EFNA5: variants seen among roughly 807,000 people sequenced by gnomAD.
The protein encoded by EFNA5 is ephrin-A5.
In EFNA5, 5 loss-of-function variants were observed where a neutral mutation model predicts 22.9. That is an observed-to-expected ratio of 0.22 (90% CI 0.11 to 0.46). The LOEUF is 0.46. Among genes scored for constraint, EFNA5 ranks in the 20% least tolerant of loss-of-function variants. The pLI is 0.99. For synonymous variants in EFNA5, 113 were observed against 112.2 expected (o/e 1.01, Z -0.04); for missense variants, 237 against 293.3 (o/e 0.81, Z 1.40).
At chr5:107,589,128 G>A (rs9328010) in intron 1 of EFNA5, among the ~76,000 whole-genome samples, 70,287 of 152,104 alleles carry the variant, frequency 0.46, 17,077 homozygotes, top group African/African-American at 0.55. Flanking sequence ...GGCAAAGAGA[G>A]TAAACTCAAA....
chr5:107,477,308 T>A (rs1300112814), intron 1 of EFNA5, among the ~76,000 whole-genome samples: 5 of 152,210 alleles, frequency 3.3e-5, no homozygotes, highest in African/African-American at 1.2e-4. Context: ...CTAAAACAGA[T>A]GAAGTAATTT....
chr5:107,584,529 T>C (rs188862529), intron 1 of EFNA5, among the ~76,000 whole-genome samples: 2 of 152,354 alleles, frequency 1.3e-5, no homozygotes, highest in Admixed American at 6.5e-5. Context: ...GACATTTCTC[T>C]CTCAAATATT....
At chr5:107,524,482 A>T (rs1191735681) in intron 1 of EFNA5, among the ~76,000 whole-genome samples, 1 of 152,200 alleles carries the variant, frequency 6.6e-6, no homozygotes, top group Non-Finnish European at 1.5e-5. Flanking sequence ...AACAATAGGC[A>T]AGCTATACTA....
At chr5:107,511,503 C>T (rs1306099386) in intron 1 of EFNA5, among the ~76,000 whole-genome samples, 1 of 152,048 alleles carries the variant, frequency 6.6e-6, no homozygotes, top group African/African-American at 2.4e-5. Flanking sequence ...GTAAAATAAA[C>T]TCAGTATTTT....
intron 2 of EFNA5, 93 bp from the exon 3 acceptor site, chr5:107,387,864 C>A (rs1747675010): frequency 7.8e-6 from 7 of 898,580 alleles, no homozygotes; most frequent in East Asian, 2.5e-5. Flanking sequence ...ACAATAAATT[C>A]TTTCCTGACT....
At chr5:107,465,662 CGTAAGAAATGTAGGG>C (rs1749958209) in intron 1 of EFNA5, among the ~76,000 whole-genome samples, 1 of 152,044 alleles carries the variant, frequency 6.6e-6, no homozygotes, top group Non-Finnish European at 1.5e-5. Context: ...ATCACAGCAG[CGTAAGAAATGTAGGG>C]ATACAATCAT....
chr5:107,533,830 AT>A (rs1289010379), intron 1 of EFNA5, among the ~76,000 whole-genome samples: 2 of 152,222 alleles, frequency 1.3e-5, no homozygotes, highest in African/African-American at 4.8e-5. Flanking sequence ...TTTCACCAAA[AT>A]GCAGTAACAA....
At chr5:107,403,862 C>G (rs1037019143) in intron 2 of EFNA5, among the ~76,000 whole-genome samples, 1 of 152,080 alleles carries the variant, frequency 6.6e-6, no homozygotes, top group Non-Finnish European at 1.5e-5. Flanking sequence ...TTGTGCAGAG[C>G]TATTTTAAAA....
At chr5:107,623,397 T>C (rs1750079113) in intron 1 of EFNA5, among the ~76,000 whole-genome samples, 1 of 152,222 alleles carries the variant, frequency 6.6e-6, no homozygotes, top group African/African-American at 2.4e-5. Context: ...AATCCTTACC[T>C]ATTTTCAGCT....
chr5:107,520,641 G>A (rs116490256), intron 1 of EFNA5, among the ~76,000 whole-genome samples: 4,352 of 152,262 alleles, frequency 0.029, 173 homozygotes, highest in African/African-American at 0.095. Context: ...AGGTTGAACC[G>A]AATAAGTCTG....
At chr5:107,534,211 T>G (rs1185599314) in intron 1 of EFNA5, among the ~76,000 whole-genome samples, 1 of 152,202 alleles carries the variant, frequency 6.6e-6, no homozygotes, top group African/African-American at 2.4e-5. Flanking sequence ...CAGCAAACAC[T>G]TCAAGATCTT....
At chr5:107,420,522 T>TAAAAAAAAAAA (rs368304882) in intron 2 of EFNA5, among the ~76,000 whole-genome samples, 4 of 109,066 alleles carry the variant, frequency 3.7e-5, no homozygotes, top group Non-Finnish European at 5.3e-5. Context: ...TCTGTGCTTT[T>TAAAAAAAAAAA]AAAAAAAAAA....
intron 1 of EFNA5, among the ~76,000 whole-genome samples, chr5:107,666,714 C>T (rs772037946): frequency 1.3e-5 from 2 of 152,052 alleles, no homozygotes; most frequent in Non-Finnish European, 2.9e-5. Flanking sequence ...ACTATTGCAT[C>T]AATAATGCCA....
intron 1 of EFNA5, among the ~76,000 whole-genome samples, chr5:107,585,032 T>C (rs1432263663): frequency 6.6e-6 from 1 of 152,034 alleles, no homozygotes; most frequent in African/African-American, 2.4e-5. Context: ...CAATTGCTGA[T>C]ATTATGGGAC....
chr5:107,593,839 C>T (rs1325454877), intron 1 of EFNA5, among the ~76,000 whole-genome samples: 1 of 152,228 alleles, frequency 6.6e-6, no homozygotes, highest in East Asian at 1.9e-4. Context: ...CCCACAATAG[C>T]TCAGATCTAA....
At chr5:107,620,485 T>G (rs1209631823) in intron 1 of EFNA5, among the ~76,000 whole-genome samples, 1 of 152,240 alleles carries the variant, frequency 6.6e-6, no homozygotes, top group Admixed American at 6.5e-5. Flanking sequence ...AAAGAGATGG[T>G]TAAAAAATAC....
At chr5:107,607,011 G>C (rs546403266) in intron 1 of EFNA5, among the ~76,000 whole-genome samples, 15 of 152,180 alleles carry the variant, frequency 9.9e-5, no homozygotes, top group African/African-American at 3.4e-4. Flanking sequence ...CTTTCTCAAA[G>C]GTACAGAGAT....
chr5:107,545,255 A>G (rs1217184338), intron 1 of EFNA5, among the ~76,000 whole-genome samples: 2 of 152,270 alleles, frequency 1.3e-5, no homozygotes, highest in Non-Finnish European at 2.9e-5. Context: ...TATCGGCTGT[A>G]AGCCAGATGT....
chr5:107,563,504 A>G (rs1748591293), intron 1 of EFNA5, among the ~76,000 whole-genome samples: 1 of 152,126 alleles, frequency 6.6e-6, no homozygotes, highest in Admixed American at 6.6e-5. Context: ...AGGCTCTATC[A>G]TAGCTCACTG....
Sources: gnomAD v4.1 joint callset for allele counts (sites outside exome capture counted in the v4.1 genomes callset) on GRCh38, gnomAD v4.1.1 for gene constraint, MANE v1.5 for transcripts, NCBI Gene and HGNC (gene_info 2026-07-23, HGNC 2026-07-21) for gene names.